The following SOCS5 variants were observed in gnomAD, a reference collection of about 807,000 sequenced individuals.
The protein encoded by SOCS5 is suppressor of cytokine signaling 5.
Under a neutral mutation model 42.8 loss-of-function variants are expected in SOCS5, and 32 were observed. The observed-to-expected ratio is 0.75, with a 90% CI of 0.56 to 1.01. SOCS5 has a LOEUF of 1.01. Ranked by LOEUF, SOCS5 falls within the 50% of genes least tolerant of loss-of-function variation. The pLI is 0.00. For missense variants in SOCS5, 627 were observed against 653.0 expected (o/e 0.96, Z 0.43); for synonymous variants, 283 against 229.6 (o/e 1.23, Z -2.10).
At chr2:46,752,519 C>T (rs1673646756) in intron 1 of SOCS5, among the ~76,000 whole-genome samples, 1 of 151,872 alleles carries the variant, frequency 6.6e-6, no homozygotes, top group East Asian at 1.9e-4. Context: ...TGTATGTATA[C>T]CTAAACAATA....
intron 1 of SOCS5, among the ~76,000 whole-genome samples, chr2:46,740,174 G>C (rs910224208): frequency 6.6e-6 from 1 of 152,192 alleles, no homozygotes; most frequent in African/African-American, 2.4e-5. Context: ...AACTAAGGTA[G>C]CTGTGCTTTC....
intron 1 of SOCS5, among the ~76,000 whole-genome samples, chr2:46,740,962 T>C (rs754710923): frequency 3.3e-5 from 5 of 152,066 alleles, no homozygotes; most frequent in Admixed American, 6.5e-5. Flanking sequence ...CATAAATGAG[T>C]TGAAATTCAT....
At chr2:46,757,571 A>G (rs1673757355) in intron 1 of SOCS5, among the ~76,000 whole-genome samples, 2 of 152,120 alleles carry the variant, frequency 1.3e-5, no homozygotes, top group Non-Finnish European at 2.9e-5. Flanking sequence ...GGGAAGTTTA[A>G]AGACACCTTT....
At chr2:46,726,345 C>T (rs187094141) in intron 1 of SOCS5, among the ~76,000 whole-genome samples, 31 of 152,292 alleles carry the variant, frequency 2.0e-4, no homozygotes, top group African/African-American at 7.2e-4. Flanking sequence ...ATCCACCCGC[C>T]TCGACCTCCC....
intron 1 of SOCS5, among the ~76,000 whole-genome samples, chr2:46,742,989 T>G (rs1005488462): frequency 1.2e-4 from 18 of 151,974 alleles, no homozygotes; most frequent in Non-Finnish European, 2.2e-4. Flanking sequence ...TAATGGAAGG[T>G]TTATGTTTTT....
chr2:46,718,218 C>G (rs968619983), intron 1 of SOCS5, among the ~76,000 whole-genome samples: 7 of 152,124 alleles, frequency 4.6e-5, no homozygotes, highest in Non-Finnish European at 8.8e-5. Flanking sequence ...TGTCCAATAT[C>G]TGAAAATAAT....
At chr2:46,719,071 A>G (rs1487651062) in intron 1 of SOCS5, among the ~76,000 whole-genome samples, 1 of 152,240 alleles carries the variant, frequency 6.6e-6, no homozygotes, top group Non-Finnish European at 1.5e-5. Flanking sequence ...ACCAAATACC[A>G]TAAAACTATT....
chr2:46,708,176 A>G (rs564074082), intron 1 of SOCS5, among the ~76,000 whole-genome samples: 71 of 152,330 alleles, frequency 4.7e-4, no homozygotes, highest in African/African-American at 1.7e-3. Context: ...GACTAATTAT[A>G]TGATGGTCTG....
In SOCS5 at chr2:46,758,910, C is replaced by G. The variant is rs773033292; in HGVS notation, c.380C>G (p.Ser127Cys). 1.2e-6 allele frequency: 2 copies of G among 1,614,004 alleles called. No homozygotes were observed. Among genetic ancestry groups the G allele is most frequent in the East Asian group, 2.2e-5 (1 of 44,878 alleles). Residue 127 changes from serine (S) to cysteine (C), a missense_variant, in exon 2 of 2, where the codon TCC becomes TGC. By Grantham distance (112) the Ser-to-Cys change is moderately radical. Coordinates refer to ENST00000394861, the MANE Select transcript of SOCS5 (RefSeq NM_144949.3). ...CCATGGGGTGGGAAGAAAAAACATT[C>G]CTGTTCTACAAAGACCCAGAGTTCA... is the stretch of plus-strand genomic sequence containing the variant. ...HAPWGGKKKHSCSTKTQSSLD... is the reference protein window; with the variant it reads ...HAPWGGKKKHCCSTKTQSSLD...
intron 1 of SOCS5, among the ~76,000 whole-genome samples, chr2:46,747,527 A>T (rs79906751): frequency 0.067 from 10,221 of 152,108 alleles, 378 homozygotes; most frequent in Middle Eastern, 0.13. Context: ...GTCTCTTTTA[A>T]ATCTGTTTTA....
chr2:46,727,639 T>C (rs930009377), intron 1 of SOCS5, among the ~76,000 whole-genome samples: 22 of 152,212 alleles, frequency 1.4e-4, no homozygotes, highest in Admixed American at 6.5e-5. Context: ...ATCAGTCTGA[T>C]ACTGTTCCAG....
In SOCS5 at chr2:46,758,608, T is replaced by C; in HGVS notation, c.78T>C (p.Arg26=). 6.2e-7 allele frequency: 1 copy of C among 1,613,706 alleles called. No homozygotes were observed. The highest frequency in any genetic ancestry group is 2.2e-5 in the East Asian group (1 of 44,884). ...QNLFGHEGGS[R]SENVDMNSNR... is the part of the protein sequence containing the mutation. ...TCTTCGGTCATGAGGGAGGAAGCCG[T>C]AGTGAAAATGTGGACATGAACTCCA... Residue 26 remains arginine (R), a synonymous_variant, in exon 2 of 2, where the codon CGT becomes CGC. Coordinates refer to ENST00000394861, the MANE Select transcript of SOCS5 (RefSeq NM_144949.3).
At chr2:46,736,000 A>G (rs1429655227) in intron 1 of SOCS5, among the ~76,000 whole-genome samples, 1 of 139,720 alleles carries the variant, frequency 7.2e-6, no homozygotes, top group African/African-American at 2.7e-5. Context: ...TCTCTCCCCC[A>G]TTCCCCTTCC....
At chr2:46,731,963 C>T (rs1268161247) in intron 1 of SOCS5, among the ~76,000 whole-genome samples, 1 of 152,128 alleles carries the variant, frequency 6.6e-6, no homozygotes, top group East Asian at 1.9e-4. Context: ...GGTGGAAGGA[C>T]AGTTGCCTAA....
chr2:46,760,093 A>G lies in SOCS5; in HGVS notation c.1563A>G (p.Gln521=). 3 of 1,614,008 alleles carry G rather than the reference A, an allele frequency of 1.9e-6. No individual in the cohort carries two copies. The highest frequency in any genetic ancestry group is 1.7e-6 in the Non-Finnish European group (2 of 1,179,960). ...QDFLKEYHYK[Q]KVRVRWLERE... The stretch of plus-strand genomic sequence containing the variant: ...TTTTAAAAGAGTATCATTATAAACA[A>G]AAAGTTAGAGTTCGCTGGTTGGAAC... The change falls in exon 2 of 2, where the codon CAA becomes CAG. Residue 521 remains glutamine (Q), a synonymous_variant. Coordinates refer to ENST00000394861, the MANE Select transcript of SOCS5 (RefSeq NM_144949.3).
At chr2:46,730,648 AT>A (rs992041200) in intron 1 of SOCS5, among the ~76,000 whole-genome samples, 1 of 152,130 alleles carries the variant, frequency 6.6e-6, no homozygotes, top group Non-Finnish European at 1.5e-5. Flanking sequence ...ATTTCATACA[AT>A]TTTTTCCCAT....
chr2:46,753,260 G>A (rs919514704), intron 1 of SOCS5, among the ~76,000 whole-genome samples: 4 of 152,086 alleles, frequency 2.6e-5, no homozygotes, highest in Admixed American at 6.6e-5. Context: ...CCTCAGAAAA[G>A]TCTTCCTTGC....
chr2:46,729,901 T>C (rs936656823), intron 1 of SOCS5, among the ~76,000 whole-genome samples: 3 of 152,246 alleles, frequency 2.0e-5, no homozygotes, highest in Non-Finnish European at 2.9e-5. Flanking sequence ...AACACAAACA[T>C]ATACAGCTGT....
Position 46,758,571 on chromosome 2 carries a change from G to C in SOCS5, c.41G>C (p.Arg14Thr). The C allele has an allele frequency of 6.2e-7, 1 of 1,607,542 alleles. No homozygotes were observed. Among genetic ancestry groups the C allele is most frequent in the Non-Finnish European group, 8.5e-7 (1 of 1,177,980 alleles). ...AAAATGTGGAATAACTTCAAATACA[G>C]GTGTCAGAATCTCTTCGGTCATGAG... ...VGKMWNNFKY[R>T]CQNLFGHEGG... The change falls in exon 2 of 2, where the codon AGG becomes ACG. Residue 14 changes from arginine (R) to threonine (T), a missense_variant. Arg to Thr is a moderately conservative substitution (Grantham distance 71). Coordinates refer to ENST00000394861, the MANE Select transcript of SOCS5 (RefSeq NM_144949.3).
Sources: allele counts gnomAD v4.1 joint callset (sites outside exome capture counted in the v4.1 genomes callset), GRCh38; gene constraint gnomAD v4.1.1; transcripts MANE v1.5; gene names NCBI Gene and HGNC (gene_info 2026-07-23, HGNC 2026-07-21).